Variants in LIMCH1 observed in about 807,000 individuals in gnomAD.
LIMCH1 encodes the protein LIM and calponin homology domains 1, also known as LIM and calponin homology domains-containing protein 1.
LIMCH1 carries 113 observed loss-of-function variants against 176.5 expected under a neutral mutation model. The ratio of observed to expected loss-of-function variants is 0.64; its 90% CI spans 0.55 to 0.75. The LOEUF (loss-of-function observed/expected upper bound fraction) is 0.75, where lower values mean the gene tolerates loss of function less well. Ranked by LOEUF, LIMCH1 falls within the 30% of genes least tolerant of loss-of-function variation. The pLI is 0.00. For missense variants in LIMCH1, 1,674 were observed against 1,814.9 expected (o/e 0.92, Z 1.41); for synonymous variants, 619 against 645.9 (o/e 0.96, Z 0.63).
At chr4:41,406,672 C>T (rs1444886398) in intron 1 of LIMCH1, among the ~76,000 whole-genome samples, 1 of 152,178 alleles carries the variant, frequency 6.6e-6, no homozygotes, top group East Asian at 1.9e-4. Flanking sequence ...AAGAGACCAG[C>T]AGTGAATTAC....
At chr4:41,438,495 C>A (rs1465456023) in intron 1 of LIMCH1, among the ~76,000 whole-genome samples, 1 of 151,806 alleles carries the variant, frequency 6.6e-6, no homozygotes, top group East Asian at 1.9e-4. Flanking sequence ...CCCGCCACGA[C>A]ACCTGGCTAA....
rs375371866 is a variant in LIMCH1, at chr4:41,403,263, A to G, written c.96+42327A>G. 5.3e-4 allele frequency among the ~76,000 whole-genome samples: 81 copies of G among 152,232 alleles called. No homozygotes were observed. In the East Asian group the frequency reaches 0.011, roughly 21 times the overall value. On this transcript the variant is annotated intron_variant, in intron 1 of 26. Coordinates refer to the LIMCH1 transcript ENST00000313860. ...ATTTATAGCATGGTATTTAAGATGC[A>G]AAGAACTATGTTGCTTTGTTTCATG...
At position 41,619,295 on chromosome 4, in the gene LIMCH1, G is replaced by C. The variant is rs373773379; in HGVS notation, c.313G>C (p.Val105Leu). The C allele has an allele frequency of 9.3e-6, 15 of 1,614,120 alleles. No homozygotes were observed. The East Asian group carries it at 3.1e-4, about 34-fold the overall frequency. The part of the protein sequence containing the change: ...RTSHGEPKSA[V>L]PFNQYLPNKS... ...TTCCCATGGTGAGCCGAAATCAGCAGTGCCTTTTAACCAGTACCTCCCGAA... is the reference window on the plus strand; with the variant it reads ...TTCCCATGGTGAGCCGAAATCAGCACTGCCTTTTAACCAGTACCTCCCGAA... The change falls in exon 6 of 32, where the codon GTG becomes CTG. Residue 105 changes from valine (V) to leucine (L), a missense_variant. Physicochemically the swap from Val to Leu is conservative, Grantham distance 32. This residue lies in a region of LIMCH1 where 655 missense variants were observed against 692.2 expected (regional missense o/e 0.95). Transcript: ENST00000503057.
chr4:41,682,197 C>A, intron 25 of LIMCH1, 136 bp from the exon 26 acceptor site: 1 of 552,672 alleles, frequency 1.8e-6, no homozygotes, highest in Non-Finnish European at 3.1e-6. Flanking sequence ...AGTTGCTATT[C>A]AGTTAATTTG....
intron 20 of LIMCH1, among the ~76,000 whole-genome samples, chr4:41,664,905 A>G (rs1484282049): frequency 6.6e-6 from 1 of 152,204 alleles, no homozygotes; most frequent in Non-Finnish European, 1.5e-5. Flanking sequence ...TTTTAAGCGT[A>G]AAATAAAATA....
At chr4:41,611,872 G>A (rs78338444) in intron 4 of LIMCH1, among the ~76,000 whole-genome samples, 2,604 of 152,142 alleles carry the variant, frequency 0.017, 60 homozygotes, top group African/African-American at 0.056. Context: ...ATCCAATTTG[G>A]GTCTATAATT....
intron 1 of LIMCH1, among the ~76,000 whole-genome samples, chr4:41,376,467 A>G (rs1017783760): frequency 3.6e-4 from 55 of 152,190 alleles, no homozygotes; most frequent in Non-Finnish European, 7.1e-4. Context: ...TTGATAAACT[A>G]TATGAAATTT....
At chr4:41,410,155 TG>T (rs2059352242) in intron 1 of LIMCH1, among the ~76,000 whole-genome samples, 1 of 152,186 alleles carries the variant, frequency 6.6e-6, no homozygotes, top group Non-Finnish European at 1.5e-5. Context: ...GAGTCAGGGC[TG>T]ATTTTAGCAG....
chr4:41,364,752 T>C (rs146320994), intron 1 of LIMCH1, among the ~76,000 whole-genome samples: 481 of 152,308 alleles, frequency 3.2e-3, no homozygotes, highest in African/African-American at 0.011. Context: ...GATCTAATAT[T>C]AAATCATTAT....
At chr4:41,420,997 G>A (rs1048487984) in intron 1 of LIMCH1, among the ~76,000 whole-genome samples, 2 of 152,196 alleles carry the variant, frequency 1.3e-5, no homozygotes, top group African/African-American at 2.4e-5. Context: ...TTTGTATAGC[G>A]TGTACACCTT....
intron 1 of LIMCH1, among the ~76,000 whole-genome samples, chr4:41,438,925 A>G (rs13435264): frequency 0.017 from 2,602 of 152,294 alleles, 68 homozygotes; most frequent in African/African-American, 0.059. Flanking sequence ...TGTAATGTAC[A>G]ATGCCATGGA....
chr4:41,653,894 G>A (rs1445248296), intron 18 of LIMCH1, among the ~76,000 whole-genome samples: 2 of 152,212 alleles, frequency 1.3e-5, no homozygotes, highest in Admixed American at 1.3e-4. Context: ...TGCTTTGTCT[G>A]TACCTCCTCA....
chr4:41,426,839 C>T (rs1450074549), intron 1 of LIMCH1, among the ~76,000 whole-genome samples: 1 of 152,226 alleles, frequency 6.6e-6, no homozygotes, highest in Non-Finnish European at 1.5e-5. Flanking sequence ...GTTTTCCTTT[C>T]ACCTAAAATA....
chr4:41,671,789 T>A (rs1431646326), intron 22 of LIMCH1, among the ~76,000 whole-genome samples, 195 bp downstream of exon 22: 1 of 149,644 alleles, frequency 6.7e-6, no homozygotes, highest in Non-Finnish European at 1.5e-5. Context: ...GGTGAAACAC[T>A]GTCTCTTACT....
intron 1 of LIMCH1, among the ~76,000 whole-genome samples, chr4:41,362,009 G>T (rs934985076): frequency 2.0e-5 from 3 of 152,064 alleles, no homozygotes; most frequent in Non-Finnish European, 2.9e-5. Flanking sequence ...CCAGAATTCC[G>T]CCTGTCACTT....
At chr4:41,696,458 C>A (rs906642280) in intron 31 of LIMCH1, among the ~76,000 whole-genome samples, 1 of 152,190 alleles carries the variant, frequency 6.6e-6, no homozygotes, top group Non-Finnish European at 1.5e-5. Context: ...GGAACCCAAA[C>A]AATCCTTTCT....
chr4:41,662,898 C>G lies in LIMCH1; in HGVS notation c.3205C>G (p.Leu1069Val). 4 of 1,613,938 alleles carry G rather than the reference C, an allele frequency of 2.5e-6. No individual in the cohort carries two copies. The highest frequency in any genetic ancestry group is 1.7e-5 in the Admixed American group (1 of 59,986). ...AFVEFPSSPQ[L>V]KNDVSEEKDQ... ...TGTGGAATTTCCCTCCAGCCCCCAG[C>G]TGAAGAATGATGTGTCGGAAGAAAA... is the stretch of plus-strand genomic sequence containing the variant. The change falls in exon 20 of 32, where the codon CTG becomes GTG. Residue 1069 changes from leucine to valine, a missense_variant. Around this residue, in one of 3 missense-constraint regions of LIMCH1, gnomAD observed 1,015 missense variants for 1,102.5 expected, o/e 0.92. Coordinates refer to ENST00000503057, the MANE Select transcript of LIMCH1 (RefSeq NM_001330672.2).
At chr4:41,397,070 G>A (rs975438972) in intron 1 of LIMCH1, among the ~76,000 whole-genome samples, 1 of 152,098 alleles carries the variant, frequency 6.6e-6, no homozygotes, top group Non-Finnish European at 1.5e-5. Flanking sequence ...GCATTCCTGT[G>A]CTCCTTGCTG....
At chr4:41,455,393 A>G (rs1334379221) in intron 1 of LIMCH1, among the ~76,000 whole-genome samples, 1 of 152,272 alleles carries the variant, frequency 6.6e-6, no homozygotes, top group East Asian at 1.9e-4. Flanking sequence ...GATTGTATGG[A>G]GTGGGGAGAA....
Sources: allele counts gnomAD v4.1 joint callset (sites outside exome capture counted in the v4.1 genomes callset), GRCh38; gene constraint gnomAD v4.1.1; regional missense constraint gnomAD v4.1.1; transcripts MANE v1.5; gene names NCBI Gene and HGNC (gene_info 2026-07-23, HGNC 2026-07-21).